The following LARGE1 variants were observed in gnomAD, a reference collection of about 807,000 sequenced individuals.
LARGE1 encodes the protein LARGE xylosyl- and glucuronyltransferase 1.
In LARGE1, 43 loss-of-function variants were observed where a neutral mutation model predicts 87.6. The observed-to-expected ratio is 0.49, with a 90% confidence interval of 0.38 to 0.63. The LOEUF is 0.63. Ranked by LOEUF, LARGE1 falls within the 30% of genes least tolerant of loss-of-function variation. The pLI is 0.00. For synonymous variants in LARGE1, 434 were observed against 394.6 expected (o/e 1.10, Z -1.18); for missense variants, 802 against 1,000.2 (o/e 0.80, Z 2.67).
At chr22:33,451,541 C>T (rs536104069) in intron 6 of LARGE1, among the ~76,000 whole-genome samples, 1 of 150,820 alleles carries the variant, frequency 6.6e-6, no homozygotes, top group African/African-American at 2.4e-5. Flanking sequence ...CCCCAAAATC[C>T]ACTCTATGGG....
chr22:33,298,627 A>G (rs113802410), intron 12 of LARGE1, among the ~76,000 whole-genome samples: 2,272 of 152,086 alleles, frequency 0.015, 29 homozygotes, highest in Middle Eastern at 0.034. Flanking sequence ...GTTTGAGACT[A>G]GCCTGGACAA....
At chr22:33,535,647 T>A (rs2077021018) in intron 6 of LARGE1, among the ~76,000 whole-genome samples, 1 of 152,148 alleles carries the variant, frequency 6.6e-6, no homozygotes, top group African/African-American at 2.4e-5. Flanking sequence ...TTCTAACTAT[T>A]TCTTATACAA....
At chr22:33,682,888 C>G (rs1362793352) in intron 2 of LARGE1, among the ~76,000 whole-genome samples, 3 of 152,178 alleles carry the variant, frequency 2.0e-5, no homozygotes, top group Non-Finnish European at 4.4e-5. Context: ...TGGTAGGGAA[C>G]AAAGCCAGTG....
At chr22:33,706,989 GA>G (rs1465237785) in intron 2 of LARGE1, among the ~76,000 whole-genome samples, 2 of 152,190 alleles carry the variant, frequency 1.3e-5, no homozygotes, top group African/African-American at 4.8e-5. Context: ...AGTAGCAACA[GA>G]AAACTAACAT....
At chr22:33,666,851 T>C (rs2081281198) in intron 2 of LARGE1, among the ~76,000 whole-genome samples, 1 of 152,222 alleles carries the variant, frequency 6.6e-6, no homozygotes, top group Admixed American at 6.5e-5. Context: ...TAAAGCACAC[T>C]TCCCTCCAAA....
chr22:33,458,906 G>C (rs751851093), intron 6 of LARGE1, among the ~76,000 whole-genome samples: 2 of 151,906 alleles, frequency 1.3e-5, no homozygotes, highest in African/African-American at 2.4e-5. Flanking sequence ...AATCACAACA[G>C]CAAAAATAAT....
intron 12 of LARGE1, among the ~76,000 whole-genome samples, chr22:33,284,876 G>A (rs183348963): frequency 6.6e-6 from 1 of 152,154 alleles, no homozygotes; most frequent in Non-Finnish European, 1.5e-5. Flanking sequence ...CGCCCGGCCA[G>A]CATGAGGCTT....
At chr22:33,801,191 T>C (rs750405653) in intron 1 of LARGE1, among the ~76,000 whole-genome samples, 12 of 152,226 alleles carry the variant, frequency 7.9e-5, no homozygotes, top group Non-Finnish European at 1.8e-4. Context: ...TCCCCAGACA[T>C]GTGGTACTGT....
chr22:33,270,962 A>C (rs1264375918), downstream of LARGE1, among the ~76,000 whole-genome samples: 1 of 152,230 alleles, frequency 6.6e-6, no homozygotes, highest in African/African-American at 2.4e-5. Flanking sequence ...TGAGCCATGT[A>C]ATCTAAGAAA....
At chr22:33,154,217 G>C in the LARGE1 span, among the ~76,000 whole-genome samples, 1 of 151,644 alleles carries the variant, frequency 6.6e-6, no homozygotes. Flanking sequence ...ACTGAAGTCA[G>C]GTTTACATTT....
intron 9 of LARGE1, 107 bp from the exon 10 acceptor site, chr22:33,337,908 TC>T: frequency 8.1e-7 from 1 of 1,230,342 alleles, no homozygotes; most frequent in Non-Finnish European, 1.2e-6. Flanking sequence ...TATTTGAGGG[TC>T]TGCTCATTCG....
intron 10 of LARGE1, among the ~76,000 whole-genome samples, chr22:33,321,413 G>A (rs1936700929): frequency 6.6e-6 from 1 of 152,150 alleles, no homozygotes; most frequent in Non-Finnish European, 1.5e-5. Context: ...CCTAAAATAT[G>A]CCTATAAACC....
chr22:33,591,527 A>G (rs2078837966), intron 5 of LARGE1, among the ~76,000 whole-genome samples: 1 of 151,856 alleles, frequency 6.6e-6, no homozygotes, highest in South Asian at 2.1e-4. Context: ...TTGGTGTAAG[A>G]CCTCTCCATA....
intron 14 of LARGE1, among the ~76,000 whole-genome samples, chr22:33,275,125 G>A (rs898990163): frequency 2.6e-5 from 4 of 152,158 alleles, no homozygotes; most frequent in Non-Finnish European, 4.4e-5. Flanking sequence ...TGAGAGACCA[G>A]ATGAAATAAA....
chr22:33,110,040 T>C, the LARGE1 span, among the ~76,000 whole-genome samples: 1 of 152,220 alleles, frequency 6.6e-6, no homozygotes, highest in African/African-American at 2.4e-5. Flanking sequence ...ACACGCTTAC[T>C]CATCCCCTAA....
intron 2 of LARGE1, among the ~76,000 whole-genome samples, chr22:33,668,771 T>C (rs893433653): frequency 1.7e-4 from 26 of 152,170 alleles, no homozygotes; most frequent in Non-Finnish European, 2.9e-5. Context: ...CCAGAGATAA[T>C]CAAATCCTTT....
intron 2 of LARGE1, among the ~76,000 whole-genome samples, chr22:33,679,468 G>C (rs188855067): frequency 2.4e-4 from 35 of 147,592 alleles, no homozygotes; most frequent in African/African-American, 8.2e-4. Context: ...ACACACACAC[G>C]CACACACACA....
chr22:33,691,276 G>A (rs1445773953), intron 2 of LARGE1, among the ~76,000 whole-genome samples: 2 of 151,964 alleles, frequency 1.3e-5, no homozygotes, highest in African/African-American at 2.4e-5. Flanking sequence ...GAGGAGAGAG[G>A]GAGGGAGGGA....
At chr22:33,075,758 T>C in the LARGE1 span, among the ~76,000 whole-genome samples, 22 of 152,206 alleles carry the variant, frequency 1.4e-4, 1 homozygote, top group African/African-American at 4.6e-4. Context: ...TCCTTCACGG[T>C]ATCACATTCC....
Sources: gnomAD v4.1 joint callset for allele counts (sites outside exome capture counted in the v4.1 genomes callset) on GRCh38, gnomAD v4.1.1 for gene constraint, MANE v1.5 for transcripts, NCBI Gene and HGNC (gene_info 2026-07-23, HGNC 2026-07-21) for gene names.